Variants in LAMB1 observed in about 807,000 individuals in gnomAD.
LAMB1 encodes the protein laminin subunit beta 1.
Under a neutral mutation model 222.3 loss-of-function variants are expected in LAMB1, and 121 were observed. The observed-to-expected ratio is 0.54, with a 90% confidence interval of 0.47 to 0.63. The LOEUF is 0.63. Among genes scored for constraint, LAMB1 ranks in the 30% least tolerant of loss-of-function variants. The pLI is 0.00. For synonymous variants in LAMB1, 794 were observed against 807.2 expected, an observed-to-expected ratio of 0.98 and a Z score of 0.28; for missense variants, 2,172 against 2,240.8, an observed-to-expected ratio of 0.97 and a Z score of 0.62.
intron 13 of LAMB1, among the ~76,000 whole-genome samples, chr7:107,972,738 A>T (rs2033774202): frequency 6.6e-6 from 1 of 152,242 alleles, no homozygotes; most frequent in Admixed American, 6.5e-5. Flanking sequence ...TTTGTAACTG[A>T]TAGGAAAATA....
chr7:108,002,454 A>AG, intron 2 of LAMB1: 1 of 1,293,546 alleles, frequency 7.7e-7, no homozygotes, highest in Non-Finnish European at 1.0e-6. Context: ...TCCCAGAATG[A>AG]AGCCTCCGCT....
intron 32 of LAMB1, among the ~76,000 whole-genome samples, chr7:107,925,806 C>G (rs527341571): frequency 1.3e-5 from 2 of 151,462 alleles, no homozygotes; most frequent in African/African-American, 2.4e-5. Context: ...TCTCAAATGG[C>G]CTGATAATTA....
intron 20 of LAMB1, among the ~76,000 whole-genome samples, chr7:107,956,928 G>A (rs974519902): frequency 3.3e-5 from 5 of 152,174 alleles, no homozygotes; most frequent in Admixed American, 2.0e-4. Context: ...GTTAAATAAT[G>A]AGCCAGAATT....
At position 108,002,972 on chromosome 7, in the gene LAMB1, C is replaced by T; in HGVS notation, c.-86-1G>A. The T allele has an allele frequency of 6.2e-7, 1 of 1,601,498 alleles. No homozygotes were observed. ...CTGCCCTTTCTTCCCGTCTTCCTTT[C>T]TGGAGAGGTGGAAAGGAGGGGAAAA... On this transcript the variant is annotated splice_acceptor_variant, in intron 1 of 33. Transcript: ENST00000222399. LOFTEE classifies it low-confidence loss of function (5UTR_SPLICE).
intron 13 of LAMB1, among the ~76,000 whole-genome samples, chr7:107,966,968 A>G (rs1164677480): frequency 6.6e-6 from 1 of 152,248 alleles, no homozygotes; most frequent in Non-Finnish European, 1.5e-5. Context: ...TGGCTCCTTC[A>G]GTGAACTCAT....
At chr7:107,976,088 T>C (rs1021190563) in intron 9 of LAMB1, among the ~76,000 whole-genome samples, 24 of 152,054 alleles carry the variant, frequency 1.6e-4, no homozygotes, top group Admixed American at 3.9e-4. Context: ...GTGAACTTTA[T>C]AAAATAAACA....
rs1421895180 is a variant in LAMB1 at position 107,924,361 on chromosome 7, T to A, written c.5093A>T (p.Tyr1698Phe). 5.6e-6 allele frequency: 9 copies of A among 1,610,570 alleles called. No homozygotes were observed. The highest frequency in any genetic ancestry group is 7.6e-6 in the Non-Finnish European group (9 of 1,178,274). The change falls in exon 33 of 34, where the codon TAT (tyrosine) becomes TTT (phenylalanine). Residue 1698 changes from tyrosine (Y) to phenylalanine (F), a missense_variant. Coordinates refer to ENST00000222399, the MANE Select transcript of LAMB1 (RefSeq NM_002291.3). ...GGCAATTAAATTTTCTACTTTTTTA[T>A]ACTTTTCATCAAGTTCACCATCTAA... is the stretch of plus-strand genomic sequence containing the variant. ...KTLDGELDEK[Y>F]KKVENLIAKK...
intron 7 of LAMB1, 42 bp from the exon 8 acceptor site, chr7:107,980,853 G>T: frequency 2.3e-6 from 3 of 1,282,200 alleles, no homozygotes; most frequent in Non-Finnish European, 2.2e-6. Flanking sequence ...GATCAGACAA[G>T]CAAGAAGTTT....
intron 24 of LAMB1, among the ~76,000 whole-genome samples, chr7:107,943,073 G>A (rs529468502): frequency 9.9e-5 from 15 of 152,184 alleles, no homozygotes; most frequent in East Asian, 1.9e-4. Context: ...GAATATTCTC[G>A]TAATGAATCA....
intron 24 of LAMB1, among the ~76,000 whole-genome samples, chr7:107,946,754 G>A (rs1302344150): frequency 1.3e-5 from 2 of 152,212 alleles, no homozygotes; most frequent in African/African-American, 2.4e-5. Context: ...ATTAAGGTGG[G>A]TGGTTGTGAA....
At chr7:107,955,682 C>T in intron 20 of LAMB1, 52 bp from the exon 21 acceptor site, 1 of 1,519,920 alleles carries the variant, frequency 6.6e-7, no homozygotes, top group Non-Finnish European at 8.9e-7. Flanking sequence ...TCTAAGAAAC[C>T]TGTTCCAAGG....
chr7:107,943,716 G>C (rs80263124), intron 24 of LAMB1, among the ~76,000 whole-genome samples: 4 of 152,108 alleles, frequency 2.6e-5, no homozygotes, highest in Admixed American at 6.6e-5. Context: ...AGATACTGAT[G>C]TTCACAGTCA....
chr7:107,933,372 T>C (rs2032757998), intron 27 of LAMB1, among the ~76,000 whole-genome samples: 1 of 152,214 alleles, frequency 6.6e-6, no homozygotes, highest in Non-Finnish European at 1.5e-5. Flanking sequence ...CAATCAACTA[T>C]TTAGCCTAAT....
intron 13 of LAMB1, among the ~76,000 whole-genome samples, chr7:107,970,733 AT>A (rs112356688): frequency 0.11 from 15,475 of 145,884 alleles, 818 homozygotes; most frequent in Admixed American, 0.16. Flanking sequence ...AGGTCTTATT[AT>A]TTTTTTTTTT....
chr7:107,963,375 G>A (rs995821508), intron 14 of LAMB1, among the ~76,000 whole-genome samples: 3 of 152,114 alleles, frequency 2.0e-5, no homozygotes, highest in Admixed American at 6.5e-5. Flanking sequence ...CCCACATGCC[G>A]TTATAAGCAA....
chr7:107,972,952 G>A (rs2033778252), intron 13 of LAMB1, 40 bp downstream of exon 13: 1 of 1,488,844 alleles, frequency 6.7e-7, no homozygotes, highest in East Asian at 2.3e-5. Context: ...TGACTTTCCT[G>A]GAAGACTGAG....
chr7:107,961,060 G>T, intron 17 of LAMB1, 146 bp downstream of exon 17: 1 of 848,622 alleles, frequency 1.2e-6, no homozygotes, highest in Non-Finnish European at 1.8e-6. Context: ...ATGGGGTGGA[G>T]TATAAGCAAA....
intron 24 of LAMB1, among the ~76,000 whole-genome samples, chr7:107,948,717 G>A (rs1304625392): frequency 6.6e-6 from 1 of 152,140 alleles, no homozygotes; most frequent in South Asian, 2.1e-4. Flanking sequence ...TAATACAGGA[G>A]TACCAATTGC....
At chr7:107,924,590 C>A (rs1223039167) in intron 32 of LAMB1, among the ~76,000 whole-genome samples, 3 of 152,152 alleles carry the variant, frequency 2.0e-5, no homozygotes, top group Non-Finnish European at 4.4e-5. Flanking sequence ...TCAAAAAATT[C>A]TGGAGTTGCA....
Sources: gnomAD v4.1 joint callset for allele counts (sites outside exome capture counted in the v4.1 genomes callset) on GRCh38, gnomAD v4.1.1 for gene constraint, MANE v1.5 for transcripts, NCBI Gene and HGNC (gene_info 2026-07-23, HGNC 2026-07-21) for gene names.